NBPF9: variants seen among roughly 807,000 people sequenced by gnomAD.
The protein encoded by NBPF9 is NBPF member 9.
NBPF9 carries 91 observed loss-of-function variants against 97.8 expected under a neutral mutation model. That is an observed-to-expected ratio of 0.93 (90% CI 0.79 to 1.11). NBPF9 has a LOEUF of 1.11. NBPF9 is among the 50% of genes least tolerant of loss of function. The pLI, the probability that NBPF9 is intolerant of heterozygous loss-of-function variation, is 0.00. For synonymous variants in NBPF9, 334 were observed against 359.5 expected (o/e 0.93, Z 0.80); for missense variants, 992 against 939.5 (o/e 1.06, Z -0.73).
At chr1:149,096,396 C>T (rs1699853) in intron 4 of NBPF9, among the ~76,000 whole-genome samples, 5 of 22,076 alleles carry the variant, frequency 2.3e-4, no homozygotes, top group African/African-American at 4.2e-4. Context: ...TCAATTGTAA[C>T]GAATGGACCA....
Position 149,059,803 on chromosome 1 carries a change from C to A in NBPF9, c.2482G>T (p.Glu828Ter). ...CTTTTCTTCCCCTTCCCCTTCTTTTCAATTTCTGCAATAAATTCAGACATG... is the reference window on the plus strand; with the variant it reads ...CTTTTCTTCCCCTTCCCCTTCTTTTAAATTTCTGCAATAAATTCAGACATG... Residue 828 changes from glutamate (E) to a stop codon, truncating the protein, a stop_gained, in exon 25 of 30, where the codon GAA becomes TAA. Coordinates refer to ENST00000584027, the Ensembl canonical transcript of NBPF9. LOFTEE classifies it high-confidence loss of function. The A allele has an allele frequency of 3.8e-6, 2 of 524,956 alleles. 1 individual carries two copies. The highest frequency in any genetic ancestry group is 6.9e-6 in the Non-Finnish European group (2 of 289,104). The allele number at this position is 524,956 out of a possible 1,614,324, so 32.5% of individuals were successfully genotyped here. A position where few individuals can be genotyped will look rare whatever the true frequency, so the allele number is the denominator to read the frequency against.
intron 9 of NBPF9, 143 bp downstream of exon 9, chr1:149,078,864 C>G (rs2080140643): frequency 6.9e-7 from 1 of 1,452,316 alleles, no homozygotes; most frequent in East Asian, 2.3e-5. Flanking sequence ...CTGTTCTTAC[C>G]CAGGAAGTCC....
At chr1:149,099,754 G>T (rs1457390370) in intron 3 of NBPF9, among the ~76,000 whole-genome samples, 1 of 152,002 alleles carries the variant, frequency 6.6e-6, no homozygotes, top group South Asian at 2.1e-4. Flanking sequence ...AGATGCCAAG[G>T]TGGGAGGATC....
At chr1:149,084,574 G>C (rs1359423015) in intron 5 of NBPF9, among the ~76,000 whole-genome samples, 1 of 150,402 alleles carries the variant, frequency 6.6e-6, no homozygotes, top group African/African-American at 2.5e-5. Flanking sequence ...GCAGCGACCA[G>C]AGGAGCCCCT....
At chr1:149,072,522 C>A (rs1559527271) in intron 14 of NBPF9, among the ~76,000 whole-genome samples, 196 bp downstream of exon 14, 3 of 152,158 alleles carry the variant, frequency 2.0e-5, no homozygotes, top group Non-Finnish European at 4.4e-5. Context: ...GGAGGAGGGA[C>A]ACTTGCAATA....
intron 11 of NBPF9, among the ~76,000 whole-genome samples, chr1:149,076,188 A>C (rs1242537800): frequency 6.6e-6 from 1 of 151,516 alleles, no homozygotes; most frequent in Admixed American, 6.6e-5. Context: ...TGCTTTTTTA[A>C]TTTTTTTCTT....
intron 5 of NBPF9, among the ~76,000 whole-genome samples, chr1:149,086,977 C>A (rs1245208690): frequency 2.0e-5 from 3 of 152,056 alleles, no homozygotes; most frequent in African/African-American, 7.2e-5. Context: ...AGGAGCCATA[C>A]CATTTTTCAT....
At chr1:149,069,114 T>C in intron 17 of NBPF9, among the ~76,000 whole-genome samples, 1 of 151,952 alleles carries the variant, frequency 6.6e-6, no homozygotes, top group Non-Finnish European at 1.5e-5. Flanking sequence ...CTGGGACACA[T>C]TTAAAGCAAT....
intron 11 of NBPF9, among the ~76,000 whole-genome samples, chr1:149,076,668 AT>A (rs200537943): frequency 0.15 from 18,903 of 129,130 alleles, 1,695 homozygotes; most frequent in Non-Finnish European, 0.19. Flanking sequence ...ACGCCCAGCT[AT>A]TTTTTTTTTT....
In NBPF9 at chr1:149,072,975, G is replaced by T. The variant is rs781815719; in HGVS notation, c.1092-43C>A. ...AGAAAAATTAAGAGTGGAAAGGGTT[G>T]AGTGATCCGCTCAAATATTGCAACA... On this transcript the variant is annotated intron_variant, in intron 13 of 29. Transcript: ENST00000584027. 3.1e-6 allele frequency: 5 copies of T among 1,588,712 alleles called. No individual in the cohort carries two copies. The Admixed American group carries it at 8.4e-5, about 27-fold the overall frequency.
At chr1:149,084,460 G>A (rs1433054679) in intron 5 of NBPF9, among the ~76,000 whole-genome samples, 1 of 145,892 alleles carries the variant, frequency 6.9e-6, no homozygotes, top group Non-Finnish European at 1.5e-5. Context: ...TTTTTAAGTG[G>A]CGGAGCGAGG....
At position 149,073,727 on chromosome 1, in the gene NBPF9, A is replaced by T. The variant is rs1448258205; in HGVS notation, c.1091+41T>A. 4 of 1,480,920 alleles carry T rather than the reference A, an allele frequency of 2.7e-6. No homozygotes were observed. In the Admixed American group the frequency reaches 6.7e-5, roughly 25 times the overall value. 91.7% of individuals were successfully genotyped at this position (1,480,920 alleles called of 1,614,324 possible). On this transcript the variant is annotated intron_variant, in intron 13 of 29. Coordinates refer to ENST00000584027, the Ensembl canonical transcript of NBPF9. ...CCGAGCTGCTGTACTTCAGAGATTT[A>T]CACACCTGCCCCCCTGCCTGCCCCC...
chr1:149,064,951 C>G (rs1312315574), intron 18 of NBPF9: 1 of 533,208 alleles, frequency 1.9e-6, no homozygotes, highest in African/African-American at 1.9e-5. Context: ...GCTATTATGG[C>G]TTTTGTGGGT....
At chr1:149,073,595 C>A (rs201140891) in intron 13 of NBPF9, among the ~76,000 whole-genome samples, 173 bp downstream of exon 13, 1 of 149,552 alleles carries the variant, frequency 6.7e-6, no homozygotes, top group Non-Finnish European at 1.5e-5. Flanking sequence ...GCAACCCATA[C>A]ATTTTTATTA....
exon 14 of NBPF9, chr1:149,072,859 C>T: frequency 1.2e-6 from 2 of 1,604,526 alleles, no homozygotes; most frequent in South Asian, 2.2e-5. Context: ...CGGGAGGCAT[C>T]TCTCCCTTCC....
At chr1:149,079,949 C>G in intron 8 of NBPF9, 104 bp downstream of exon 8, 1 of 914,248 alleles carries the variant, frequency 1.1e-6, no homozygotes, top group Non-Finnish European at 1.8e-6. Flanking sequence ...GCAATTTCTG[C>G]CCTTCCCCTG....
At chr1:149,075,149 C>G (rs1197644347) in intron 12 of NBPF9, among the ~76,000 whole-genome samples, 8 of 151,624 alleles carry the variant, frequency 5.3e-5, no homozygotes, top group Non-Finnish European at 8.9e-5. Flanking sequence ...ATAGACAGCA[C>G]AGGTTCTATT....
intron 5 of NBPF9, among the ~76,000 whole-genome samples, chr1:149,089,570 G>A (rs1465347765): frequency 6.6e-6 from 1 of 152,298 alleles, no homozygotes; most frequent in Non-Finnish European, 1.5e-5. Context: ...AATGAGTGGA[G>A]AGTGGATCTG....
rs587649829 is a variant in NBPF9 at position 149,082,077 on chromosome 1, G to A, written c.63C>T (p.Asn21=). The A allele has an allele frequency of 3.3e-3, 5,387 of 1,609,626 alleles. 11 individuals are homozygous for A. Among genetic ancestry groups the A allele is most frequent in the Non-Finnish European group, 4.1e-3 (4,882 of 1,177,904 alleles). The change falls in exon 7 of 30, where the codon AAC becomes AAT. Residue 21 remains asparagine, a synonymous_variant. Transcript: ENST00000584027. The stretch of plus-strand genomic sequence containing the variant: ...CTGCCAACTGGGGGCGCAATTTCTC[G>A]TTGATTTCTAGAATGTTCATCTCTG...
Sources: gnomAD v4.1 joint callset for allele counts (sites outside exome capture counted in the v4.1 genomes callset) on GRCh38, gnomAD v4.1.1 for gene constraint, MANE v1.5 for transcripts, NCBI Gene and HGNC (gene_info 2026-07-23, HGNC 2026-07-21) for gene names.